The following SLF1 variants were observed in gnomAD, a reference collection of about 807,000 sequenced individuals.
SLF1 encodes the protein SMC5-SMC6 complex localization factor protein 1.
In SLF1, 105 loss-of-function variants were observed where a neutral mutation model predicts 123.0. The ratio of observed to expected loss-of-function variants is 0.85; its 90% CI spans 0.73 to 1.00. The LOEUF (loss-of-function observed/expected upper bound fraction) is 1.00, where lower values mean the gene tolerates loss of function less well. Ranked by LOEUF, SLF1 falls within the 50% of genes least tolerant of loss-of-function variation. The probability of loss-of-function intolerance (pLI) is 0.00; values close to 1 mark genes in which losing one functional copy is unlikely to be tolerated. For missense variants in SLF1, 1,239 were observed against 1,223.0 expected, an observed-to-expected ratio of 1.01 and a Z score of -0.20; for synonymous variants, 434 against 406.6, an observed-to-expected ratio of 1.07 and a Z score of -0.81.
At chr5:94,678,081 C>T (rs1456446101) in intron 14 of SLF1, among the ~76,000 whole-genome samples, 4 of 152,122 alleles carry the variant, frequency 2.6e-5, no homozygotes, top group Non-Finnish European at 5.9e-5. Flanking sequence ...CCACCACGCC[C>T]GGCTAACTTT....
rs1753467395 is a variant in SLF1, at chr5:94,695,578, C to T, written c.*266C>T. On this transcript the variant is annotated 3_prime_UTR_variant, in exon 21 of 21. Coordinates refer to ENST00000265140, the MANE Select transcript of SLF1 (RefSeq NM_032290.4). Reference sequence around the variant, plus strand: ...CTACTTTCATTAATGTTTTTTTGTTCTGAAAGTGATATTATATTGTACATG... The same window carrying T: ...CTACTTTCATTAATGTTTTTTTGTTTTGAAAGTGATATTATATTGTACATG... 9.5e-6 allele frequency: 2 copies of T among 210,452 alleles called. No homozygotes were observed. Among genetic ancestry groups the T allele is most frequent in the Non-Finnish European group, 1.9e-5 (2 of 106,732 alleles). 13.0% of individuals were successfully genotyped at this position (210,452 alleles called of 1,614,324 possible).
At chr5:94,666,082 A>AT (rs1456457212) in intron 12 of SLF1, 58 bp downstream of exon 12, 1 of 1,404,680 alleles carries the variant, frequency 7.1e-7, no homozygotes, top group Non-Finnish European at 9.5e-7. Context: ...TATGCTAATT[A>AT]TTTTTTTAAG....
chr5:94,688,744 A>T, intron 17 of SLF1, 75 bp downstream of exon 17: 1 of 1,509,704 alleles, frequency 6.6e-7, no homozygotes, highest in Non-Finnish European at 9.1e-7. Context: ...CTTGAACTTA[A>T]TGGTTATCTG....
intron 3 of SLF1, among the ~76,000 whole-genome samples, chr5:94,629,897 C>T (rs1745019469): frequency 6.6e-6 from 1 of 152,052 alleles, no homozygotes; most frequent in Non-Finnish European, 1.5e-5. Flanking sequence ...GTAATCCTAG[C>T]ACTTTGGGAG....
At position 94,695,880 on chromosome 5, in the gene SLF1, C is replaced by A. The variant is rs2152501120; in HGVS notation, c.*568C>A. 1.3e-5 allele frequency: 2 copies of A among 151,820 alleles called. No individual in the cohort carries two copies. Among genetic ancestry groups the A allele is most frequent in the East Asian group, 3.9e-4 (2 of 5,154 alleles). 9.4% of individuals were successfully genotyped at this position (151,820 alleles called of 1,614,324 possible). A position where few individuals can be genotyped will look rare whatever the true frequency, so the allele number is the denominator to read the frequency against. On this transcript the variant is annotated 3_prime_UTR_variant, in exon 21 of 21. Coordinates refer to ENST00000265140, the MANE Select transcript of SLF1 (RefSeq NM_032290.4). ...AAAATTTACAGTAATAATTAATATT[C>A]TTTTGGTTTTTAAATGCAGCAAATA...
intron 4 of SLF1, among the ~76,000 whole-genome samples, chr5:94,641,922 T>C (rs1184506251): frequency 6.6e-6 from 1 of 152,212 alleles, no homozygotes; most frequent in African/African-American, 2.4e-5. Flanking sequence ...TGTGTATTGA[T>C]ACAAGACCTG....
intron 4 of SLF1, among the ~76,000 whole-genome samples, chr5:94,631,027 G>A (rs1176989161): frequency 2.0e-5 from 3 of 152,104 alleles, no homozygotes; most frequent in East Asian, 1.9e-4. Context: ...CTAATTGGGA[G>A]TTTTTTGTTT....
chr5:94,686,621 C>T lies in SLF1; in HGVS notation c.2024C>T (p.Ser675Phe). ...ATTTTCATTTGCTCCTTTTCCTCCT[C>T]CTGGCTTCAAATGTTTGTTGCAGAG... ...LEIFICSFSS[S>F]WLQMFVAEAV... Residue 675 changes from serine to phenylalanine, a missense_variant, in exon 16 of 21, where the codon TCC (serine) becomes TTC (phenylalanine). Transcript: ENST00000265140. 1.9e-6 allele frequency: 3 copies of T among 1,614,020 alleles called. No individual in the cohort carries two copies. Among genetic ancestry groups the T allele is most frequent in the Non-Finnish European group, 2.5e-6 (3 of 1,179,932 alleles).
intron 20 of SLF1, among the ~76,000 whole-genome samples, chr5:94,693,791 A>AT (rs1045209512): frequency 1.3e-5 from 2 of 150,438 alleles, no homozygotes; most frequent in African/African-American, 4.9e-5. Flanking sequence ...ACTTGGAACA[A>AT]TTTTTTTGAG....
At chr5:94,638,466 C>T (rs912280210) in intron 4 of SLF1, among the ~76,000 whole-genome samples, 3 of 152,152 alleles carry the variant, frequency 2.0e-5, no homozygotes, top group African/African-American at 7.2e-5. Flanking sequence ...GCGTGAGCCA[C>T]CACGCCTGGC....
intron 14 of SLF1, among the ~76,000 whole-genome samples, chr5:94,671,752 C>G (rs1267371585): frequency 6.6e-6 from 1 of 150,820 alleles, no homozygotes; most frequent in Non-Finnish European, 1.5e-5. Flanking sequence ...CTGTTGAGTA[C>G]AACTTGACAT....
intron 5 of SLF1, among the ~76,000 whole-genome samples, chr5:94,648,174 T>A (rs536480024): frequency 6.6e-6 from 1 of 152,316 alleles, no homozygotes; most frequent in African/African-American, 2.4e-5. Flanking sequence ...ACAGAAATTG[T>A]TGTTGATACA....
intron 12 of SLF1, 22 bp downstream of exon 12, chr5:94,666,046 G>C: frequency 6.6e-7 from 1 of 1,524,924 alleles, no homozygotes; most frequent in Non-Finnish European, 8.8e-7. Flanking sequence ...CACATTTGAC[G>C]ATGCTACATT....
At chr5:94,620,145 G>A (rs1413208034) in intron 1 of SLF1, 3 of 152,300 alleles carry the variant, frequency 2.0e-5, no homozygotes, top group Non-Finnish European at 4.4e-5. Context: ...CTCCCAAAGT[G>A]CTGGGATTAC....
At chr5:94,622,781 A>G (rs1318266936) in intron 1 of SLF1, among the ~76,000 whole-genome samples, 1 of 152,112 alleles carries the variant, frequency 6.6e-6, no homozygotes, top group East Asian at 1.9e-4. Flanking sequence ...AGCTAATGAT[A>G]CCATACAATT....
intron 14 of SLF1, among the ~76,000 whole-genome samples, chr5:94,677,167 A>T (rs1751167406): frequency 6.6e-6 from 1 of 152,220 alleles, no homozygotes; most frequent in Non-Finnish European, 1.5e-5. Context: ...AGTGCCTTTT[A>T]TGTAAAATGT....
At chr5:94,634,366 G>A (rs114845644) in intron 4 of SLF1, among the ~76,000 whole-genome samples, 2,243 of 152,050 alleles carry the variant, frequency 0.015, 53 homozygotes, top group African/African-American at 0.051. Context: ...GCACCTATGC[G>A]TTCAACTTTT....
chr5:94,679,999 A>G (rs1167445565), intron 15 of SLF1, among the ~76,000 whole-genome samples: 1 of 152,126 alleles, frequency 6.6e-6, no homozygotes, highest in Non-Finnish European at 1.5e-5. Context: ...TAAACCAAGT[A>G]AGTTTTTTTG....
At chr5:94,653,214 G>C (rs912310146) in intron 7 of SLF1, 58 bp from the exon 8 acceptor site, 59 of 1,406,566 alleles carry the variant, frequency 4.2e-5, no homozygotes, top group Non-Finnish European at 5.5e-5. Context: ...GAGTTTATTT[G>C]GATTTTGTAA....
Sources: gnomAD v4.1 joint callset for allele counts (sites outside exome capture counted in the v4.1 genomes callset) on GRCh38, gnomAD v4.1.1 for gene constraint, MANE v1.5 for transcripts, NCBI Gene and HGNC (gene_info 2026-07-23, HGNC 2026-07-21) for gene names.